CHST15: variants seen among roughly 807,000 people sequenced by gnomAD.
The protein encoded by CHST15 is B cell RAG associated protein (GALNAC4S-6ST).
A neutral mutation model predicts 53.6 loss-of-function variants in CHST15; 30 were observed. The ratio of observed to expected loss-of-function variants is 0.56; its 90% CI spans 0.42 to 0.76. The LOEUF is 0.76. CHST15 is among the 30% of genes least tolerant of loss of function. The pLI is 0.00. For synonymous variants in CHST15, 296 were observed against 289.8 expected (o/e 1.02, Z -0.22); for missense variants, 627 against 740.5 (o/e 0.85, Z 1.78).
Position 124,009,490 on chromosome 10 carries a change from T to C in CHST15, c.*659A>G. Reference sequence around the variant, plus strand: ...TTTTTCCTTTTGGAAACAGTGACGTTAACAGGGTTTACATCTGAAGAAACT... The same window carrying C: ...TTTTTCCTTTTGGAAACAGTGACGTCAACAGGGTTTACATCTGAAGAAACT... On this transcript the variant is annotated 3_prime_UTR_variant, in exon 8 of 8. Transcript: ENST00000435907. 2 of 989,266 alleles carry C rather than the reference T, an allele frequency of 2.0e-6. No homozygotes were observed. The highest frequency in any genetic ancestry group is 2.4e-6 in the Non-Finnish European group (2 of 832,216). The allele number at this position is 989,266 out of a possible 1,614,324, so 61.3% of individuals were successfully genotyped here. A position where few individuals can be genotyped will look rare whatever the true frequency, so the allele number is the denominator to read the frequency against.
At chr10:124,044,444 G>T (rs907575716) in intron 3 of CHST15, 136 bp downstream of exon 3, 3 of 711,558 alleles carry the variant, frequency 4.2e-6, no homozygotes, top group African/African-American at 1.8e-5. Flanking sequence ...TCTTTGCCTG[G>T]GAACAGCCTC....
chr10:124,055,756 C>G (rs1412094087), intron 1 of CHST15, among the ~76,000 whole-genome samples: 5 of 152,226 alleles, frequency 3.3e-5, no homozygotes, highest in Admixed American at 1.3e-4. Context: ...CAGTGCTCAA[C>G]AACAAGGGCC....
intron 5 of CHST15, among the ~76,000 whole-genome samples, chr10:124,025,921 T>C (rs1329385378): frequency 6.6e-6 from 1 of 152,122 alleles, no homozygotes; most frequent in Non-Finnish European, 1.5e-5. Context: ...GAACCAACCC[T>C]GCAGACATCT....
intron 1 of CHST15, among the ~76,000 whole-genome samples, chr10:124,070,525 C>T (rs565994064): frequency 1.3e-5 from 2 of 152,206 alleles, no homozygotes; most frequent in East Asian, 3.9e-4. Context: ...ACTAAAGGTG[C>T]ACACCACCAT....
At position 124,044,811 on chromosome 10, in the gene CHST15, C is replaced by G. The variant is rs765371622; in HGVS notation, c.655G>C (p.Val219Leu). The change falls in exon 3 of 8, where the codon GTG becomes CTG. Residue 219 changes from valine (V) to leucine (L), a missense_variant. Val to Leu is a conservative substitution (Grantham distance 32). Transcript: ENST00000435907. ...GAGCGGAAGCGCTTGGAGTAGAGCA[C>G]GTAGGAGTTGGTGAGGTAGGGGTCG... ...TTDPYLTNSYVLYSKRFRSTF... is the reference protein window; with the variant it reads ...TTDPYLTNSYLLYSKRFRSTF... 1 of 1,592,964 alleles carries G rather than the reference C, an allele frequency of 6.3e-7. No homozygotes were observed. The highest frequency in any genetic ancestry group is 8.6e-7 in the Non-Finnish European group (1 of 1,167,592).
chr10:124,009,091 T>A lies in CHST15; in HGVS notation c.*1058A>T. 7.9e-7 allele frequency: 1 copy of A among 1,270,106 alleles called. No homozygotes were observed. The highest frequency in any genetic ancestry group is 1.0e-6 in the Non-Finnish European group (1 of 973,292). 78.7% of individuals were successfully genotyped at this position (1,270,106 alleles called of 1,614,324 possible). A position where few individuals can be genotyped will look rare whatever the true frequency, so the allele number is the denominator to read the frequency against. On this transcript the variant is annotated 3_prime_UTR_variant, in exon 8 of 8. Transcript: ENST00000435907. ...CTTTGACCACACGCAGTGGAGAATGTGGAAATAAACTATTTCCAATGGGAA... is the reference window on the plus strand; with the variant it reads ...CTTTGACCACACGCAGTGGAGAATGAGGAAATAAACTATTTCCAATGGGAA...
At chr10:124,065,030 T>A (rs547435459) in intron 1 of CHST15, among the ~76,000 whole-genome samples, 2 of 152,066 alleles carry the variant, frequency 1.3e-5, no homozygotes, top group Admixed American at 1.3e-4. Flanking sequence ...GCAACACACA[T>A]AAAAACATAG....
intron 1 of CHST15, among the ~76,000 whole-genome samples, chr10:124,078,243 G>A (rs955277469): frequency 6.6e-6 from 1 of 152,196 alleles, no homozygotes; most frequent in Admixed American, 6.5e-5. Flanking sequence ...GCAAGGTTAA[G>A]AACAAGCAGT....
Position 124,009,485 on chromosome 10 carries a change from G to A in CHST15, c.*664C>T, listed in dbSNP as rs1053701765. The A allele has an allele frequency of 1.0e-6, 1 of 989,114 alleles. No individual in the cohort carries two copies. The highest frequency in any genetic ancestry group is 1.2e-6 in the Non-Finnish European group (1 of 832,144). 61.3% of individuals were successfully genotyped at this position (989,114 alleles called of 1,614,324 possible). On this transcript the variant is annotated 3_prime_UTR_variant, in exon 8 of 8. Transcript: ENST00000435907. ...TTATTTTTTTCCTTTTGGAAACAGT[G>A]ACGTTAACAGGGTTTACATCTGAAG...
In CHST15 at chr10:124,030,583, G is replaced by A. The variant is rs929005388; in HGVS notation, c.1190+7932C>T. 7.9e-5 allele frequency among the ~76,000 whole-genome samples: 12 copies of A among 152,280 alleles called. No individual in the cohort carries two copies. In the South Asian group the frequency reaches 1.7e-3, roughly 21 times the overall value. On this transcript the variant is annotated intron_variant, in intron 5 of 7. Coordinates refer to ENST00000435907, the MANE Select transcript of CHST15 (RefSeq NM_001270764.2). ...CATTCCGTCTCTTCTCCACAGAGGCGTTCTCCTAATTTCCCTTTGAGATGG... is the reference window on the plus strand; with the variant it reads ...CATTCCGTCTCTTCTCCACAGAGGCATTCTCCTAATTTCCCTTTGAGATGG...
At chr10:124,010,386 A>C in intron 7 of CHST15, 47 bp from the exon 8 acceptor site, 1 of 1,492,612 alleles carries the variant, frequency 6.7e-7, no homozygotes, top group Non-Finnish European at 8.9e-7. Flanking sequence ...GCATGGCAGG[A>C]AGTAAAAGGG....
chr10:124,021,227 CGGGGGGTACGGGGGG>C lies in CHST15; in HGVS notation c.1347+14_1347+28del. 7.8e-6 allele frequency: 2 copies of C among 254,984 alleles called. No individual in the cohort carries two copies. Among genetic ancestry groups the C allele is most frequent in the Non-Finnish European group, 1.4e-5 (2 of 145,688 alleles). The allele number at this position is 254,984 out of a possible 1,614,324, so 15.8% of individuals were successfully genotyped here. A position where few individuals can be genotyped will look rare whatever the true frequency, so the allele number is the denominator to read the frequency against. On this transcript the variant is annotated intron_variant, in intron 6 of 7. Transcript: ENST00000435907. ...CAGCTCCTTCTGCCAGGGGCCAGCT[CGGGGGGTACGGGGGG>C]GGGGGGTACACACAGGCATGGCGTT... is the stretch of plus-strand genomic sequence containing the variant.
Position 124,024,378 on chromosome 10 carries a change from C to T in CHST15, c.1191-2966G>A, listed in dbSNP as rs949771997. ...GACACAGCCCTCTAGAATTCATCCA[C>T]GGCCAATGTCCACAGAGGACACCTC... On this transcript the variant is annotated intron_variant, in intron 5 of 7. Coordinates refer to ENST00000435907, the MANE Select transcript of CHST15 (RefSeq NM_001270764.2). This position sits in a 1 kb window ranked among gnomAD's most constrained non-coding sequence, Gnocchi z 4.0. Among the ~76,000 whole-genome samples the T allele has an allele frequency of 2.6e-5, 4 of 152,206 alleles. No homozygotes were observed. Among genetic ancestry groups the T allele is most frequent in the South Asian group, 4.1e-4 (2 of 4,834 alleles).
At chr10:124,010,432 A>G in intron 7 of CHST15, 93 bp from the exon 8 acceptor site, 1 of 1,441,766 alleles carries the variant, frequency 6.9e-7, no homozygotes, top group Non-Finnish European at 9.1e-7. Flanking sequence ...TCGTATTCAG[A>G]CAGGAGTTTC....
intron 1 of CHST15, among the ~76,000 whole-genome samples, chr10:124,077,685 T>C (rs1949121003): frequency 6.6e-6 from 1 of 152,230 alleles, no homozygotes; most frequent in East Asian, 1.9e-4. Context: ...AACCTTCCTT[T>C]GTGGAGAATG....
At chr10:124,068,513 TA>T (rs2134144363) in intron 1 of CHST15, among the ~76,000 whole-genome samples, 1 of 152,312 alleles carries the variant, frequency 6.6e-6, no homozygotes, top group South Asian at 2.1e-4. Flanking sequence ...ATGGGCCGGG[TA>T]CATGTCCAGT....
At chr10:124,010,630 T>C (rs1946384682) in intron 7 of CHST15, 9 of 985,424 alleles carry the variant, frequency 9.1e-6, no homozygotes, top group Non-Finnish European at 1.1e-5. Flanking sequence ...ACCTCAAGGA[T>C]TCCCTTCCAA....
intron 4 of CHST15, among the ~76,000 whole-genome samples, chr10:124,040,549 C>G (rs1947694641): frequency 6.6e-6 from 1 of 152,210 alleles, no homozygotes; most frequent in Admixed American, 6.5e-5. Flanking sequence ...CCTCTCTGAC[C>G]TAGGGGCCCA....
At chr10:124,068,805 T>C (rs1590332286) in intron 1 of CHST15, among the ~76,000 whole-genome samples, 1 of 152,344 alleles carries the variant, frequency 6.6e-6, no homozygotes, top group East Asian at 1.9e-4. Flanking sequence ...AAAATAGTGA[T>C]TTTTAAAGTA....
Sources: gnomAD v4.1 joint callset for allele counts (sites outside exome capture counted in the v4.1 genomes callset) on GRCh38, gnomAD v4.1.1 for gene constraint, Gnocchi (gnomAD v3.1) non-coding constraint, MANE v1.5 for transcripts, NCBI Gene and HGNC (gene_info 2026-07-23, HGNC 2026-07-21) for gene names.